Variants in FGF13 observed in about 807,000 individuals in gnomAD.
FGF13 encodes fibroblast growth factor homologous factor 2.
In FGF13, 2 loss-of-function variants were observed where a neutral mutation model predicts 19.5. The ratio of observed to expected loss-of-function variants is 0.10; its 90% CI spans 0.04 to 0.32. FGF13 has a LOEUF of 0.32. Ranked by LOEUF, FGF13 falls within the 10% of genes least tolerant of loss-of-function variation. FGF13 has a pLI of 1.00. For missense variants in FGF13, 113 were observed against 192.7 expected (o/e 0.59, Z 2.45); for synonymous variants, 72 against 76.9 (o/e 0.94, Z 0.33).
chrX:138,657,917 T>C (rs1394844404), intron 3 of FGF13, among the ~76,000 whole-genome samples: 1 of 112,427 alleles, frequency 8.9e-6, no homozygotes, highest in Non-Finnish European at 1.9e-5. Flanking sequence ...AGAATTCTAA[T>C]AAAGGTCTTG....
intron 1 of FGF13, among the ~76,000 whole-genome samples, chrX:139,024,012 G>A (rs2092190297): frequency 9.0e-6 from 1 of 111,192 alleles, no homozygotes; most frequent in Non-Finnish European, 1.9e-5. Flanking sequence ...AATTTCTGAA[G>A]AATTACTAAA....
chrX:138,817,285 T>C (rs1475975189), intron 3 of FGF13, among the ~76,000 whole-genome samples: 12 of 111,924 alleles, frequency 1.1e-4, no homozygotes, highest in Non-Finnish European at 1.5e-4. Flanking sequence ...TGGGCTTCCA[T>C]CCCTCTGTAT....
chrX:138,783,812 T>G (rs908419422), intron 3 of FGF13, among the ~76,000 whole-genome samples: 69 of 110,273 alleles, frequency 6.3e-4, no homozygotes, highest in African/African-American at 2.1e-3. Flanking sequence ...ATCCCATTAC[T>G]GGGTATATAC....
chrX:138,841,550 A>G (rs986288481), intron 3 of FGF13, among the ~76,000 whole-genome samples: 4 of 110,655 alleles, frequency 3.6e-5, no homozygotes, highest in African/African-American at 1.3e-4. Context: ...AAGGATATGG[A>G]GACTCAAGGA....
At chrX:139,126,368 G>A (rs373240048) in intron 1 of FGF13, among the ~76,000 whole-genome samples, 5 of 111,065 alleles carry the variant, frequency 4.5e-5, no homozygotes, top group Admixed American at 2.9e-4. Flanking sequence ...CAAAGAAATC[G>A]GGAATCTAAC....
intron 3 of FGF13, among the ~76,000 whole-genome samples, chrX:138,799,895 GC>G (rs1209174010): frequency 9.0e-6 from 1 of 111,026 alleles, no homozygotes; most frequent in African/African-American, 3.3e-5. Context: ...GACTAGGATT[GC>G]AACCCCTGCT....
intron 1 of FGF13, among the ~76,000 whole-genome samples, chrX:139,000,522 A>T (rs1279531951): frequency 8.9e-6 from 1 of 111,999 alleles, no homozygotes; most frequent in Admixed American, 9.5e-5. Flanking sequence ...AAAAATCACA[A>T]GCATTCCTAT....
Position 138,620,247 on chromosome X carries a change from AT to A in FGF13, c.*12602del, listed in dbSNP as rs1295444509. 2.9e-4 allele frequency: 32 copies of A among 111,106 alleles called. No individual in the cohort carries two copies. In the Admixed American group the frequency reaches 3.0e-3, roughly 10 times the overall value. 9.2% of individuals were successfully genotyped at this position (111,106 alleles called of 1,213,427 possible). A position where few individuals can be genotyped will look rare whatever the true frequency, so the allele number is the denominator to read the frequency against. ...AACCAAACACTGCGTATTCTCACTTATAAGTGAGAGCTGAACATGAGAACAC... is the reference window on the plus strand; with the variant it reads ...AACCAAACACTGCGTATTCTCACTTAAAGTGAGAGCTGAACATGAGAACAC... On this transcript the variant is annotated 3_prime_UTR_variant, in exon 5 of 5. Coordinates refer to ENST00000315930, the MANE Select transcript of FGF13 (RefSeq NM_004114.5).
chrX:138,956,185 G>A (rs937280336), intron 1 of FGF13, among the ~76,000 whole-genome samples: 43 of 111,662 alleles, frequency 3.9e-4, no homozygotes, highest in South Asian at 3.8e-4. Flanking sequence ...GTCTGTGGGA[G>A]GCCAACAGGA....
At chrX:139,001,281 G>T (rs2092071978) in intron 1 of FGF13, among the ~76,000 whole-genome samples, 1 of 111,293 alleles carries the variant, frequency 9.0e-6, no homozygotes, top group Admixed American at 9.5e-5. Context: ...GATGTGCAAA[G>T]ACTTCATGAC....
chrX:138,994,007 T>A (rs2092030530), intron 1 of FGF13, among the ~76,000 whole-genome samples: 2 of 111,485 alleles, frequency 1.8e-5, no homozygotes, highest in Admixed American at 1.9e-4. Flanking sequence ...AGATATATAT[T>A]TTACCTCCTG....
At chrX:139,143,347 T>G (rs1053695751) in intron 1 of FGF13, among the ~76,000 whole-genome samples, 1 of 112,161 alleles carries the variant, frequency 8.9e-6, no homozygotes, top group African/African-American at 3.2e-5. Context: ...GTGCCTATCA[T>G]CATTTACAGG....
At chrX:138,895,002 T>A (rs1165852223) in intron 1 of FGF13, among the ~76,000 whole-genome samples, 1 of 112,015 alleles carries the variant, frequency 8.9e-6, no homozygotes, top group Non-Finnish European at 1.9e-5. Flanking sequence ...CAAGGCAGGT[T>A]CAACATACGC....
intron 3 of FGF13, among the ~76,000 whole-genome samples, chrX:138,681,578 T>C (rs938661399): frequency 2.7e-5 from 3 of 113,047 alleles, no homozygotes; most frequent in Non-Finnish European, 5.6e-5. Context: ...TCAATAACTT[T>C]TCCTTTGCAT....
chrX:139,116,908 A>G (rs1170800019), intron 1 of FGF13, among the ~76,000 whole-genome samples: 1 of 111,581 alleles, frequency 9.0e-6, no homozygotes, highest in African/African-American at 3.3e-5. Context: ...AAAGCAGCCC[A>G]CTTGGCTTTC....
chrX:139,174,795 G>A (rs2084166135), intron 1 of FGF13, among the ~76,000 whole-genome samples: 1 of 112,191 alleles, frequency 8.9e-6, no homozygotes, highest in Non-Finnish European at 1.9e-5. Flanking sequence ...TTTGCTTACT[G>A]TAGCCTTGTA....
chrX:138,873,632 C>T (rs931514506), intron 1 of FGF13, among the ~76,000 whole-genome samples: 7 of 111,222 alleles, frequency 6.3e-5, no homozygotes, highest in Admixed American at 2.9e-4. Context: ...TCTCTCCTGA[C>T]GTGCCTCCGA....
intron 1 of FGF13, among the ~76,000 whole-genome samples, chrX:138,901,089 C>T (rs1168131101): frequency 3.6e-5 from 4 of 112,141 alleles, no homozygotes; most frequent in Non-Finnish European, 7.5e-5. Context: ...TTGGCTTCCA[C>T]ATTTATTCTG....
At chrX:139,035,190 G>T (rs192254777) in intron 1 of FGF13, among the ~76,000 whole-genome samples, 1 of 111,352 alleles carries the variant, frequency 9.0e-6, no homozygotes, top group East Asian at 2.8e-4. Flanking sequence ...ATCAGAACAT[G>T]TCACTATGAT....
Sources: allele counts gnomAD v4.1 joint callset (sites outside exome capture counted in the v4.1 genomes callset), GRCh38; gene constraint gnomAD v4.1.1; transcripts MANE v1.5; gene names NCBI Gene and HGNC (gene_info 2026-07-23, HGNC 2026-07-21).